The following ACP1 variants were observed in gnomAD, a reference collection of about 807,000 sequenced individuals.
ACP1 encodes the protein low molecular weight phosphotyrosine protein phosphatase.
Under a neutral mutation model 23.4 loss-of-function variants are expected in ACP1, and 23 were observed. The observed-to-expected ratio is 0.98, with a 90% CI of 0.71 to 1.39. The LOEUF is 1.39. ACP1 is among the 40% of genes most tolerant of loss of function. The pLI, the probability that ACP1 is intolerant of heterozygous loss-of-function variation, is 0.00. For missense variants in ACP1, 180 were observed against 197.7 expected, an observed-to-expected ratio of 0.91 and a Z score of 0.54; for synonymous variants, 72 against 67.2, an observed-to-expected ratio of 1.07 and a Z score of -0.35.
intron 4 of ACP1, among the ~76,000 whole-genome samples, chr2:276,638 G>A (rs1670180986): frequency 6.6e-6 from 1 of 152,142 alleles, no homozygotes; most frequent in African/African-American, 2.4e-5. Flanking sequence ...CCTCTGTTTT[G>A]GGACTGGTTC....
chr2:269,005 T>G (rs1669963564), intron 1 of ACP1, among the ~76,000 whole-genome samples: 1 of 152,240 alleles, frequency 6.6e-6, no homozygotes, highest in African/African-American at 2.4e-5. Context: ...TAGTCTTTAT[T>G]ATATTTTTAG....
At chr2:272,248 A>G in intron 3 of ACP1, 98 bp downstream of exon 3, 1 of 1,614,200 alleles carries the variant, frequency 6.2e-7, no homozygotes, top group Non-Finnish European at 8.5e-7. Context: ...CCCCAGACCC[A>G]AGAGCTGTGA....
chr2:266,593 C>G (rs753337014), intron 1 of ACP1, among the ~76,000 whole-genome samples: 1 of 152,194 alleles, frequency 6.6e-6, no homozygotes, highest in Non-Finnish European at 1.5e-5. Context: ...CAATTGCTGT[C>G]AATTGGAACA....
chr2:276,836 G>A (rs1435156199), intron 4 of ACP1, 144 bp from the exon 5 acceptor site: 9 of 604,184 alleles, frequency 1.5e-5, no homozygotes, highest in Non-Finnish European at 2.1e-5. Context: ...GGGGCCACAC[G>A]GGCCTGCTGA....
intron 3 of ACP1, among the ~76,000 whole-genome samples, chr2:274,271 A>G (rs1670115639): frequency 6.6e-6 from 1 of 152,236 alleles, no homozygotes; most frequent in Non-Finnish European, 1.5e-5. Flanking sequence ...CTGGAAGTGC[A>G]TACTAAAAGC....
intron 1 of ACP1, among the ~76,000 whole-genome samples, chr2:267,092 T>C (rs548549096): frequency 1.6e-4 from 25 of 152,324 alleles, no homozygotes; most frequent in Admixed American, 1.5e-3. Context: ...CTCAGAACAG[T>C]GCACAATTTA....
Position 271,881 on chromosome 2 carries a change from C to G in ACP1, c.59C>G (p.Ser20Ter). The G allele has an allele frequency of 6.2e-7, 1 of 1,611,232 alleles. No individual in the cohort carries two copies. The highest frequency in any genetic ancestry group is 1.1e-5 in the South Asian group (1 of 91,002). ...LFVCLGNICR[S>*]PIAEAVFRKL... Reference sequence around the variant, plus strand: ...TTTTTTAAAGGTAACATTTGTCGATCACCCATTGCAGAAGCAGTTTTCAGG... The same window carrying G: ...TTTTTTAAAGGTAACATTTGTCGATGACCCATTGCAGAAGCAGTTTTCAGG... The change falls in exon 2 of 6, where the codon TCA becomes TGA. Residue 20 changes from serine to a stop codon, truncating the protein, a stop_gained. Transcript: ENST00000272065. LOFTEE classifies it high-confidence loss of function.
chr2:271,089 GGGCTCA>G (rs1214853272), intron 1 of ACP1, among the ~76,000 whole-genome samples: 1 of 152,060 alleles, frequency 6.6e-6, no homozygotes, highest in Non-Finnish European at 1.5e-5. Flanking sequence ...CTGTATCCCT[GGGCTCA>G]GGGCTTTGCA....
chr2:276,704 A>C (rs1349975206), intron 4 of ACP1, among the ~76,000 whole-genome samples: 1 of 152,174 alleles, frequency 6.6e-6, no homozygotes, highest in African/African-American at 2.4e-5. Flanking sequence ...TGATTGTCTT[A>C]AAATGTATTT....
At chr2:273,312 A>G (rs942100565) in intron 3 of ACP1, among the ~76,000 whole-genome samples, 1 of 152,244 alleles carries the variant, frequency 6.6e-6, no homozygotes, top group African/African-American at 2.4e-5. Flanking sequence ...CATCCAAACC[A>G]TAACATAGGA....
At position 271,940 on chromosome 2, in the gene ACP1, G is replaced by T. The variant is rs1284863940; in HGVS notation, c.117+1G>T. 2 of 1,611,366 alleles carry T rather than the reference G, an allele frequency of 1.2e-6. No individual in the cohort carries two copies. The highest frequency in any genetic ancestry group is 1.7e-5 in the Admixed American group (1 of 59,844). On this transcript the variant is annotated splice_donor_variant, in intron 2 of 5. Transcript: ENST00000272065. LOFTEE classifies it high-confidence loss of function. Reference sequence around the variant, plus strand: ...AACCGATCAAAACATCTCAGAGAATGTAAGTACCATTCATTATCTTAAAGA... The same window carrying T: ...AACCGATCAAAACATCTCAGAGAATTTAAGTACCATTCATTATCTTAAAGA...
Position 265,159 on chromosome 2 carries a change from G to T in ACP1, c.43+152G>T, listed in dbSNP as rs1021773256. The T allele has an allele frequency of 8.4e-6, 7 of 832,546 alleles. No individual in the cohort carries two copies. The East Asian group carries it at 1.9e-4, about 23-fold the overall frequency. 51.6% of individuals were successfully genotyped at this position (832,546 alleles called of 1,614,324 possible). On this transcript the variant is annotated intron_variant, in intron 1 of 5. Coordinates refer to ENST00000272065, the MANE Select transcript of ACP1 (RefSeq NM_004300.4). ...GGGTGTTCTAGGAGTGTGCCGCAGC[G>T]CCCCTGTTCCCCATCCGCCCCGTGC...
chr2:272,045 A>AGACAG lies in ACP1; in HGVS notation c.127_131dup (p.Ser44ArgfsTer11). 1 of 1,613,860 alleles carries AGACAG rather than the reference A, an allele frequency of 6.2e-7. No individual in the cohort carries two copies. Among genetic ancestry groups the AGACAG allele is most frequent in the South Asian group, 1.1e-5 (1 of 91,084 alleles). On this transcript the variant is annotated frameshift_variant, in exon 3 of 6. Transcript: ENST00000272065. LOFTEE classifies it high-confidence loss of function. Reference sequence around the variant, plus strand: ...TGTTTCTTCCCCTGCAGTGGAGGGTAGACAGCGCGGCAACTTCCGGGTATG... The same window carrying AGACAG: ...TGTTTCTTCCCCTGCAGTGGAGGGTAGACAGGACAGCGCGGCAACTTCCGGGTATG...
intron 1 of ACP1, among the ~76,000 whole-genome samples, chr2:266,559 C>G (rs1040201482): frequency 6.6e-6 from 1 of 152,118 alleles, no homozygotes; most frequent in Non-Finnish European, 1.5e-5. Context: ...CAGTGGATCC[C>G]GAAACTGTGG....
At chr2:265,692 G>C (rs527361933) in intron 1 of ACP1, among the ~76,000 whole-genome samples, 1 of 152,296 alleles carries the variant, frequency 6.6e-6, no homozygotes, top group African/African-American at 2.4e-5. Context: ...GCACTACAAG[G>C]TTATATTCCT....
chr2:272,379 C>A, intron 3 of ACP1: 2 of 1,530,110 alleles, frequency 1.3e-6, no homozygotes, highest in South Asian at 1.2e-5. Context: ...ATTAACCAGA[C>A]TTGTATATTA....
At chr2:265,261 C>T (rs1442139309) in intron 1 of ACP1, 7 of 476,578 alleles carry the variant, frequency 1.5e-5, no homozygotes, top group Non-Finnish European at 2.2e-5. Flanking sequence ...TCTGCAGCCA[C>T]AGCCCCTACA....
At chr2:266,814 G>A (rs1222557444) in intron 1 of ACP1, among the ~76,000 whole-genome samples, 1 of 151,798 alleles carries the variant, frequency 6.6e-6, no homozygotes, top group Non-Finnish European at 1.5e-5. Flanking sequence ...CTTTCCATAA[G>A]AAGTCAAAAA....
intron 3 of ACP1, chr2:272,616 A>G: frequency 4.7e-6 from 3 of 634,428 alleles, no homozygotes; most frequent in Non-Finnish European, 7.3e-6. Flanking sequence ...TTTAGGCCAT[A>G]GTAATCATCC....
Sources: allele counts gnomAD v4.1 joint callset (sites outside exome capture counted in the v4.1 genomes callset), GRCh38; gene constraint gnomAD v4.1.1; transcripts MANE v1.5; gene names NCBI Gene and HGNC (gene_info 2026-07-23, HGNC 2026-07-21).